The following DAO variants were observed in gnomAD, a reference collection of about 807,000 sequenced individuals.
DAO encodes the protein D-amino-acid oxidase.
DAO carries 51 observed loss-of-function variants against 50.1 expected under a neutral mutation model. The ratio of observed to expected loss-of-function variants is 1.02; its 90% CI spans 0.81 to 1.29. The LOEUF is 1.29. Ranked by LOEUF, DAO falls within the 50% of genes most tolerant of loss-of-function variation. The pLI, the probability that DAO is intolerant of heterozygous loss-of-function variation, is 0.00. For synonymous variants in DAO, 160 were observed against 166.2 expected, an observed-to-expected ratio of 0.96 and a Z score of 0.29; for missense variants, 436 against 439.4, an observed-to-expected ratio of 0.99 and a Z score of 0.07.
intron 1 of DAO, among the ~76,000 whole-genome samples, chr12:108,881,911 G>C (rs1044053208): frequency 6.6e-6 from 1 of 151,852 alleles, no homozygotes; most frequent in Non-Finnish European, 1.5e-5. Context: ...CGGCCTTTTT[G>C]ATTTTCCATT....
At chr12:108,900,306 C>T in intron 10 of DAO, 98 bp from the exon 11 acceptor site, 1 of 1,513,772 alleles carries the variant, frequency 6.6e-7, no homozygotes, top group Non-Finnish European at 9.1e-7. Context: ...GCCCAGGACT[C>T]TTCGGGAGGC....
At chr12:108,894,754 C>G (rs1417135944) in intron 7 of DAO, among the ~76,000 whole-genome samples, 1 of 151,940 alleles carries the variant, frequency 6.6e-6, no homozygotes, top group African/African-American at 2.4e-5. Flanking sequence ...GACAGGGTAT[C>G]ACTCCATTGC....
At chr12:108,880,725 T>TA (rs978716392) in intron 1 of DAO, among the ~76,000 whole-genome samples, 17 of 151,588 alleles carry the variant, frequency 1.1e-4, no homozygotes, top group Admixed American at 2.6e-4. Flanking sequence ...TTTTTTTTTT[T>TA]AAAAAGAAGT....
chr12:108,898,657 G>T, intron 8 of DAO, 22 bp from the exon 9 acceptor site: 1 of 1,513,054 alleles, frequency 6.6e-7, no homozygotes, highest in South Asian at 1.1e-5. Context: ...CTTCATCCTT[G>T]ACCCTCCTCA....
intron 7 of DAO, 92 bp downstream of exon 7, chr12:108,894,459 A>AGGTGAGTGTGAGGGTGAGAC: frequency 8.9e-7 from 1 of 1,118,790 alleles, no homozygotes; most frequent in Non-Finnish European, 1.3e-6. Context: ...CAAATCAGGA[A>AGGTGAGTGTGAGGGTGAGAC]CATCTGTTAG....
Position 108,900,772 on chromosome 12 carries a change from G to T in DAO, c.*237G>T. On this transcript the variant is annotated 3_prime_UTR_variant, in exon 11 of 11. Transcript: ENST00000228476. ...TCTGGCATTATAAAGAACAGCTGAGGCTGTCATTCCATGAGTCTTCAGAAG... is the reference window on the plus strand; with the variant it reads ...TCTGGCATTATAAAGAACAGCTGAGTCTGTCATTCCATGAGTCTTCAGAAG... 6.5e-6 allele frequency: 3 copies of T among 459,172 alleles called. No homozygotes were observed. Among genetic ancestry groups the T allele is most frequent in the South Asian group, 4.1e-5 (2 of 48,564 alleles). 28.4% of individuals were successfully genotyped at this position (459,172 alleles called of 1,614,324 possible). A position where few individuals can be genotyped will look rare whatever the true frequency, so the allele number is the denominator to read the frequency against.
intron 1 of DAO, among the ~76,000 whole-genome samples, chr12:108,882,107 A>G (rs1040589083): frequency 7.9e-5 from 12 of 152,212 alleles, no homozygotes; most frequent in Non-Finnish European, 1.3e-4. Context: ...TTAAGCACCT[A>G]GGCTTATGAG....
At chr12:108,894,407 A>G in intron 7 of DAO, 40 bp downstream of exon 7, 3 of 1,438,302 alleles carry the variant, frequency 2.1e-6, no homozygotes, top group East Asian at 2.3e-5. Flanking sequence ...TGTTAATAGG[A>G]AGATCATTCT....
Position 108,899,457 on chromosome 12 carries a change from T to C in DAO, c.894T>C (p.Thr298=). 1.2e-6 allele frequency: 2 copies of C among 1,613,666 alleles called. No individual in the cohort carries two copies. The highest frequency in any genetic ancestry group is 2.2e-5 in the South Asian group (2 of 90,952). ...GGCTAGAAAGAGAACAGCTTCGCAC[T>C]GGACCTTCAAACACAGAGGTATGCT... ...QIRLEREQLR[T]GPSNTEVIHN... The change falls in exon 10 of 11, where the codon ACT becomes ACC. Residue 298 remains threonine (T), a synonymous_variant. Transcript: ENST00000228476.
chr12:108,888,268 G>T (rs1302985017), intron 3 of DAO, among the ~76,000 whole-genome samples: 1 of 152,112 alleles, frequency 6.6e-6, no homozygotes, highest in African/African-American at 2.4e-5. Flanking sequence ...AGCTCTCAAG[G>T]TTCATTCAAC....
At chr12:108,890,363 T>A in intron 5 of DAO, 90 bp downstream of exon 5, 1 of 1,000,250 alleles carries the variant, frequency 1.0e-6, no homozygotes, top group South Asian at 1.3e-5. Context: ...CAGCATGGAC[T>A]AACCCCCAGG....
intron 1 of DAO, among the ~76,000 whole-genome samples, chr12:108,884,408 T>G (rs2137339756): frequency 6.6e-6 from 1 of 152,264 alleles, no homozygotes; most frequent in East Asian, 1.9e-4. Flanking sequence ...TTGGGAGACT[T>G]GGATGAATGG....
chr12:108,899,557 A>G lies in DAO; in HGVS notation c.912+82A>G, dbSNP rs1166013051. ...CATTTTCAGGGAACAGTCATGTCTG[A>G]TCTCAAGTTCCACACAGGCTCCATA... On this transcript the variant is annotated intron_variant, in intron 10 of 10. Coordinates refer to ENST00000228476, the MANE Select transcript of DAO (RefSeq NM_001917.5). 5.0e-6 allele frequency: 6 copies of G among 1,209,252 alleles called. No individual in the cohort carries two copies. In the African/African-American group the frequency reaches 7.5e-5, roughly 15 times the overall value. The allele number at this position is 1,209,252 out of a possible 1,614,324, so 74.9% of individuals were successfully genotyped here.
Position 108,890,954 on chromosome 12 carries a change from G to A in DAO, c.452+681G>A, listed in dbSNP as rs113140247. On this transcript the variant is annotated intron_variant, in intron 5 of 10. Transcript: ENST00000228476. ...CTGCCTCAGCCTCCTGAGTAGCTGC[G>A]ACTACAGGTGCCTGCCACCACCACA... Among the ~76,000 whole-genome samples, 136 of 152,168 alleles carry A rather than the reference G, an allele frequency of 8.9e-4. 1 individual carries two copies. The highest frequency in any genetic ancestry group is 3.1e-3 in the African/African-American group (130 of 41,540).
intron 8 of DAO, 196 bp from the exon 9 acceptor site, chr12:108,898,483 G>A: frequency 1.6e-6 from 1 of 633,488 alleles, no homozygotes; most frequent in Non-Finnish European, 2.9e-6. Context: ...CAAAGACAAT[G>A]TTGTTGATGG....
chr12:108,888,340 A>AT (rs35167645), intron 3 of DAO, among the ~76,000 whole-genome samples: 29,988 of 145,958 alleles, frequency 0.21, 3,736 homozygotes, highest in East Asian at 0.48. Context: ...GACCAAGAGT[A>AT]TTTTTTTTTT....
rs754535059 is a variant in DAO, at chr12:108,893,048, G to A, written c.507+12G>A. 1.2e-6 allele frequency: 2 copies of A among 1,612,624 alleles called. No individual in the cohort carries two copies. The highest frequency in any genetic ancestry group is 2.2e-5 in the East Asian group (1 of 44,866). On this transcript the variant is annotated intron_variant, in intron 6 of 10. Transcript: ENST00000228476. Reference sequence around the variant, plus strand: ...AGTCTTTTGAGGAGGTGAGTTGCAGGGCTGATGCGGTGGATGGGGCAGGGA... The same window carrying A: ...AGTCTTTTGAGGAGGTGAGTTGCAGAGCTGATGCGGTGGATGGGGCAGGGA...
intron 7 of DAO, among the ~76,000 whole-genome samples, chr12:108,895,219 C>T (rs1434977007): frequency 7.1e-6 from 1 of 140,158 alleles, no homozygotes; most frequent in Admixed American, 6.9e-5. Context: ...TTGTTCCATG[C>T]CTCCTCTTGC....
rs1364038957 is a variant in DAO, at chr12:108,900,628, C to T, written c.*93C>T. 38 of 1,537,358 alleles carry T rather than the reference C, an allele frequency of 2.5e-5. No individual in the cohort carries two copies. Among genetic ancestry groups the T allele is most frequent in the Admixed American group, 3.4e-5 (2 of 59,314 alleles). ...CTCCTTCATAAGCCATTGCTTCTCC[C>T]TCACTTCTTTCCTCAAAGAAGCATG... On this transcript the variant is annotated 3_prime_UTR_variant, in exon 11 of 11. Transcript: ENST00000228476.
Sources: allele counts gnomAD v4.1 joint callset (sites outside exome capture counted in the v4.1 genomes callset), GRCh38; gene constraint gnomAD v4.1.1; transcripts MANE v1.5; gene names NCBI Gene and HGNC (gene_info 2026-07-23, HGNC 2026-07-21).